Variants in FHIP1A observed in about 807,000 individuals in gnomAD.
The protein encoded by FHIP1A is FHF complex subunit HOOK-interacting protein 1A.
A neutral mutation model predicts 88.6 loss-of-function variants in FHIP1A; 61 were observed. That is an observed-to-expected ratio of 0.69 (90% CI 0.56 to 0.85). FHIP1A has a LOEUF of 0.85. FHIP1A is among the 40% of genes least tolerant of loss of function. The pLI, the probability that FHIP1A is intolerant of heterozygous loss-of-function variation, is 0.00. For missense variants in FHIP1A, 1,154 were observed against 1,273.5 expected, an observed-to-expected ratio of 0.91 and a Z score of 1.43; for synonymous variants, 478 against 496.0, an observed-to-expected ratio of 0.96 and a Z score of 0.48.
chr4:151,537,033 C>G (rs917145104), intron 3 of FHIP1A, among the ~76,000 whole-genome samples: 14 of 151,980 alleles, frequency 9.2e-5, no homozygotes, highest in Middle Eastern at 3.2e-3. Flanking sequence ...CACCACTAAC[C>G]CAGCTAATTA....
At chr4:151,542,351 C>T (rs1165053671) in intron 3 of FHIP1A, among the ~76,000 whole-genome samples, 1 of 152,172 alleles carries the variant, frequency 6.6e-6, no homozygotes, top group Non-Finnish European at 1.5e-5. Context: ...GACTTGTCCC[C>T]TCCACATCCC....
chr4:151,570,871 C>A (rs1733576030), intron 4 of FHIP1A, among the ~76,000 whole-genome samples: 1 of 152,170 alleles, frequency 6.6e-6, no homozygotes. Context: ...CCGGCAAGAT[C>A]TTTGGACTTG....
At chr4:151,603,835 T>G (rs181344715) in intron 7 of FHIP1A, among the ~76,000 whole-genome samples, 61 of 152,366 alleles carry the variant, frequency 4.0e-4, no homozygotes, top group Non-Finnish European at 6.6e-4. Context: ...GTTTTTTTGT[T>G]TCTTCTCCCA....
At chr4:151,624,559 T>C (rs1203980119) in intron 7 of FHIP1A, among the ~76,000 whole-genome samples, 1 of 152,228 alleles carries the variant, frequency 6.6e-6, no homozygotes, top group African/African-American at 2.4e-5. Flanking sequence ...ATATTTAATG[T>C]ATTACAGATC....
chr4:151,578,506 A>G (rs1733896532), intron 5 of FHIP1A, among the ~76,000 whole-genome samples: 1 of 152,120 alleles, frequency 6.6e-6, no homozygotes, highest in Non-Finnish European at 1.5e-5. Context: ...AATGACCACT[A>G]GTTTTAGTGT....
intron 8 of FHIP1A, among the ~76,000 whole-genome samples, chr4:151,635,610 C>T (rs1213169029): frequency 6.6e-6 from 1 of 151,692 alleles, no homozygotes; most frequent in Non-Finnish European, 1.5e-5. Context: ...GGGTATTATG[C>T]GAAGTGAAGT....
At chr4:151,467,000 G>A (rs1020492694) in intron 2 of FHIP1A, among the ~76,000 whole-genome samples, 8 of 152,178 alleles carry the variant, frequency 5.3e-5, no homozygotes, top group Admixed American at 4.6e-4. Flanking sequence ...AAACTAAAGA[G>A]CTTCTGCGAA....
chr4:151,471,691 T>G (rs1729518086), intron 2 of FHIP1A, among the ~76,000 whole-genome samples: 1 of 152,070 alleles, frequency 6.6e-6, no homozygotes, highest in Non-Finnish European at 1.5e-5. Flanking sequence ...TAGTGGTGAT[T>G]TGTGAGATTT....
chr4:151,492,973 T>G (rs1730338926), intron 3 of FHIP1A, among the ~76,000 whole-genome samples: 1 of 151,380 alleles, frequency 6.6e-6, no homozygotes, highest in Admixed American at 6.6e-5. Flanking sequence ...AGGAAAGAAA[T>G]AACAAAAATT....
intron 10 of FHIP1A, among the ~76,000 whole-genome samples, 179 bp downstream of exon 10, chr4:151,646,927 T>A: frequency 6.6e-6 from 1 of 152,302 alleles, no homozygotes; most frequent in East Asian, 1.9e-4. Context: ...AATCAGTGTT[T>A]ATTGACGTGC....
intron 7 of FHIP1A, among the ~76,000 whole-genome samples, chr4:151,623,130 A>G (rs1735810589): frequency 6.6e-6 from 1 of 152,262 alleles, no homozygotes; most frequent in Non-Finnish European, 1.5e-5. Context: ...CCCATTGGAC[A>G]TAGGACCATT....
chr4:151,517,925 A>C (rs1031978627), intron 3 of FHIP1A, among the ~76,000 whole-genome samples: 2 of 152,234 alleles, frequency 1.3e-5, no homozygotes, highest in African/African-American at 2.4e-5. Flanking sequence ...CAAAAAGTTC[A>C]AAAAATTAAA....
chr4:151,437,023 T>A (rs1728230163), intron 1 of FHIP1A, among the ~76,000 whole-genome samples: 1 of 152,178 alleles, frequency 6.6e-6, no homozygotes, highest in South Asian at 2.1e-4. Flanking sequence ...AGTCTGCATA[T>A]GTTCAGTACA....
chr4:151,658,142 C>T (rs1737318740), intron 13 of FHIP1A, among the ~76,000 whole-genome samples: 1 of 152,206 alleles, frequency 6.6e-6, no homozygotes, highest in South Asian at 2.1e-4. Flanking sequence ...CTTCGGGTGC[C>T]ATGTGGCCTC....
chr4:151,540,337 CTT>C (rs1299069937), intron 3 of FHIP1A, among the ~76,000 whole-genome samples: 1 of 152,154 alleles, frequency 6.6e-6, no homozygotes, highest in Non-Finnish European at 1.5e-5. Flanking sequence ...AAGAGGATCT[CTT>C]TTTACAGAAA....
chr4:151,422,005 A>G (rs991755114), intron 1 of FHIP1A, among the ~76,000 whole-genome samples: 14 of 151,994 alleles, frequency 9.2e-5, no homozygotes, highest in Non-Finnish European at 1.6e-4. Flanking sequence ...ACCATTTTTA[A>G]TGATGTTCCA....
rs1737226322 is a variant in FHIP1A, at chr4:151,656,206, C to G, written c.2552-26C>G. The G allele has an allele frequency of 1.9e-6, 3 of 1,545,292 alleles. No homozygotes were observed. The South Asian group carries it at 3.6e-5, about 18-fold the overall frequency. ...AGGCATCCCTGTGAGCCCAGCCAGCCCTGAAGCCTTGTGTTCTTCCTGCAG... is the reference window on the plus strand; with the variant it reads ...AGGCATCCCTGTGAGCCCAGCCAGCGCTGAAGCCTTGTGTTCTTCCTGCAG... On this transcript the variant is annotated intron_variant, in intron 11 of 13. Transcript: ENST00000435205. This position sits in a 1 kb window ranked among gnomAD's most constrained non-coding sequence, Gnocchi z 4.2.
At chr4:151,438,514 C>CA (rs1056692124) in intron 1 of FHIP1A, among the ~76,000 whole-genome samples, 3 of 145,500 alleles carry the variant, frequency 2.1e-5, no homozygotes, top group African/African-American at 5.1e-5. Flanking sequence ...AACTAAAAAA[C>CA]AAAAAAACAA....
chr4:151,462,559 C>G (rs924192542), intron 2 of FHIP1A, among the ~76,000 whole-genome samples: 1 of 152,054 alleles, frequency 6.6e-6, no homozygotes, highest in African/African-American at 2.4e-5. Flanking sequence ...TTTTGGCATG[C>G]CTTTGAGTAA....
Sources: gnomAD v4.1 joint callset for allele counts (sites outside exome capture counted in the v4.1 genomes callset) on GRCh38, gnomAD v4.1.1 for gene constraint, Gnocchi (gnomAD v3.1) non-coding constraint, MANE v1.5 for transcripts, NCBI Gene and HGNC (gene_info 2026-07-23, HGNC 2026-07-21) for gene names.